PPEF2: variants seen among roughly 807,000 people sequenced by gnomAD.
The protein encoded by PPEF2 is serine/threonine-protein phosphatase with EF-hands 2.
A neutral mutation model predicts 84.7 loss-of-function variants in PPEF2; 84 were observed. The ratio of observed to expected loss-of-function variants is 0.99; its 90% CI spans 0.83 to 1.19. PPEF2 has a LOEUF of 1.19. Among genes scored for constraint, PPEF2 ranks in the 50% most tolerant of loss-of-function variants. PPEF2 has a pLI of 0.00. For synonymous variants in PPEF2, 346 were observed against 345.2 expected (o/e 1.00, Z -0.03); for missense variants, 924 against 937.5 (o/e 0.99, Z 0.19).
rs1019588586 is a variant in PPEF2, at chr4:75,896,365, G to C, written c.-40C>G. On this transcript the variant is annotated 5_prime_UTR_variant, in exon 2 of 17. Transcript: ENST00000286719. ...GCTCCTGCAGGACGCAGCAGATCCA[G>C]AGGACAGTGAGCTGTTTGCTGACAA... 1 of 1,600,496 alleles carries C rather than the reference G, an allele frequency of 6.2e-7. No individual in the cohort carries two copies. The highest frequency in any genetic ancestry group is 8.6e-7 in the Non-Finnish European group (1 of 1,167,638).
intron 10 of PPEF2, among the ~76,000 whole-genome samples, chr4:75,877,925 A>G (rs1183270427): frequency 2.0e-5 from 3 of 152,270 alleles, no homozygotes; most frequent in African/African-American, 7.2e-5. Flanking sequence ...ACTTTTTTAG[A>G]CAAGGATAGG....
chr4:75,873,073 T>C, intron 12 of PPEF2, 54 bp downstream of exon 12: 1 of 1,518,652 alleles, frequency 6.6e-7, no homozygotes, highest in African/African-American at 1.4e-5. Flanking sequence ...GCCTGAGCCC[T>C]TCGGACTACT....
At chr4:75,898,397 T>C (rs1158402850) in intron 1 of PPEF2, among the ~76,000 whole-genome samples, 1 of 152,240 alleles carries the variant, frequency 6.6e-6, no homozygotes, top group African/African-American at 2.4e-5. Context: ...GTGTTTCTGC[T>C]CTTACCTGGA....
At chr4:75,879,734 G>C (rs1724516733) in intron 10 of PPEF2, among the ~76,000 whole-genome samples, 1 of 152,106 alleles carries the variant, frequency 6.6e-6, no homozygotes, top group African/African-American at 2.4e-5. Flanking sequence ...TTCAAATTAA[G>C]TTGCTTTCTT....
At chr4:75,892,037 G>C in intron 2 of PPEF2, 59 bp from the exon 3 acceptor site, 3 of 1,591,392 alleles carry the variant, frequency 1.9e-6, no homozygotes, top group Non-Finnish European at 1.7e-6. Context: ...CAGGGGTTTG[G>C]GGGTAGGGAG....
chr4:75,862,492 T>C (rs535213143), intron 16 of PPEF2, among the ~76,000 whole-genome samples: 1 of 151,984 alleles, frequency 6.6e-6, no homozygotes, highest in East Asian at 1.9e-4. Flanking sequence ...GGACAAAGGA[T>C]TTGAATAGAC....
chr4:75,888,122 C>G lies in PPEF2; in HGVS notation c.532+92G>C, dbSNP rs998139442. Reference sequence around the variant, plus strand: ...TTAAATTTGGCTTATCATCACATCTCCCTGCAGCCCGCCACTCCTCTTGCA... The same window carrying G: ...TTAAATTTGGCTTATCATCACATCTGCCTGCAGCCCGCCACTCCTCTTGCA... On this transcript the variant is annotated intron_variant, in intron 6 of 16. Transcript: ENST00000286719. 5 of 989,080 alleles carry G rather than the reference C, an allele frequency of 5.1e-6. No individual in the cohort carries two copies. In the African/African-American group the frequency reaches 8.0e-5, roughly 16 times the overall value. The allele number at this position is 989,080 out of a possible 1,614,324, so 61.3% of individuals were successfully genotyped here. A position where few individuals can be genotyped will look rare whatever the true frequency, so the allele number is the denominator to read the frequency against.
At chr4:75,863,866 T>G (rs1724065489) in intron 16 of PPEF2, among the ~76,000 whole-genome samples, 1 of 151,670 alleles carries the variant, frequency 6.6e-6, no homozygotes, top group African/African-American at 2.4e-5. Flanking sequence ...ACATCTTTCT[T>G]TCTTTCTTCT....
intron 2 of PPEF2, among the ~76,000 whole-genome samples, chr4:75,894,331 G>A (rs1724959620): frequency 6.6e-6 from 1 of 152,124 alleles, no homozygotes; most frequent in African/African-American, 2.4e-5. Context: ...GCCAAAAGGT[G>A]CAATAAAAAC....
intron 7 of PPEF2, among the ~76,000 whole-genome samples, chr4:75,886,649 G>A (rs976987048): frequency 2.6e-5 from 4 of 152,110 alleles, no homozygotes; most frequent in Admixed American, 6.6e-5. Flanking sequence ...GAACCTGGGA[G>A]GCAGAGGTTG....
In PPEF2 at chr4:75,871,920, A is replaced by C. The variant is rs560991167; in HGVS notation, c.1649+105T>G. The C allele has an allele frequency of 1.0e-3, 1,304 of 1,284,780 alleles. 1 individual carries two copies. The highest frequency in any genetic ancestry group is 1.3e-3 in the Non-Finnish European group (1,259 of 940,386). The allele number at this position is 1,284,780 out of a possible 1,614,324, so 79.6% of individuals were successfully genotyped here. On this transcript the variant is annotated intron_variant, in intron 13 of 16. Transcript: ENST00000286719. ...TCATGCTGACATAGCCAAATTCTGA[A>C]TTCTCACGTAGAATTTGAATAAATA... is the stretch of plus-strand genomic sequence containing the variant.
rs539850355 is a variant in PPEF2 at position 75,885,910 on chromosome 4, G to A, written c.579+942C>T. On this transcript the variant is annotated intron_variant, in intron 7 of 16. Transcript: ENST00000286719. Reference sequence around the variant, plus strand: ...TGTAGTCCCAGCTACTTGGGAGGCCGAGGCAGGAGAATCACTTGAACCTGG... The same window carrying A: ...TGTAGTCCCAGCTACTTGGGAGGCCAAGGCAGGAGAATCACTTGAACCTGG... Among the ~76,000 whole-genome samples the A allele has an allele frequency of 5.3e-5, 8 of 152,160 alleles. No individual in the cohort carries two copies. The East Asian group carries it at 9.7e-4, about 18-fold the overall frequency.
At chr4:75,898,257 G>A (rs571289358) in intron 1 of PPEF2, among the ~76,000 whole-genome samples, 1 of 152,346 alleles carries the variant, frequency 6.6e-6, no homozygotes, top group South Asian at 2.1e-4. Context: ...ACATGTCACA[G>A]TGCTGCAGAG....
chr4:75,900,536 T>C (rs1011616571), intron 1 of PPEF2, among the ~76,000 whole-genome samples: 1 of 152,188 alleles, frequency 6.6e-6, no homozygotes, highest in Non-Finnish European at 1.5e-5. Flanking sequence ...CAAAGGCACA[T>C]GTGATCCCTG....
chr4:75,890,252 A>G, intron 4 of PPEF2, 120 bp from the exon 5 acceptor site: 1 of 1,087,580 alleles, frequency 9.2e-7, no homozygotes, highest in Non-Finnish European at 1.3e-6. Flanking sequence ...TTGCGGGGCC[A>G]AGGAGGGAGG....
At position 75,884,332 on chromosome 4, in the gene PPEF2, G is replaced by T. The variant is rs773483606; in HGVS notation, c.746+262C>A. 2.6e-5 allele frequency among the ~76,000 whole-genome samples: 4 copies of T among 151,716 alleles called. No individual in the cohort carries two copies. In the South Asian group the frequency reaches 6.2e-4, roughly 24 times the overall value. On this transcript the variant is annotated intron_variant, in intron 8 of 16. Coordinates refer to ENST00000286719, the MANE Select transcript of PPEF2 (RefSeq NM_006239.3). ...AATCCTGGCTACTCGGGAAGCTGAG[G>T]CAGGAGAATCACTTAAACCCAGGAA...
chr4:75,889,462 C>T (rs1724822046), intron 5 of PPEF2, among the ~76,000 whole-genome samples: 1 of 152,184 alleles, frequency 6.6e-6, no homozygotes, highest in Non-Finnish European at 1.5e-5. Flanking sequence ...CACCTTAGAT[C>T]TTTGCTCAGA....
At chr4:75,898,014 C>T (rs868415623) in intron 1 of PPEF2, among the ~76,000 whole-genome samples, 1 of 152,146 alleles carries the variant, frequency 6.6e-6, no homozygotes, top group African/African-American at 2.4e-5. Context: ...TGTATATATT[C>T]GATTAACTAA....
chr4:75,887,696 C>G (rs1397817202), intron 6 of PPEF2, among the ~76,000 whole-genome samples: 1 of 151,764 alleles, frequency 6.6e-6, no homozygotes, highest in Non-Finnish European at 1.5e-5. Flanking sequence ...GTGACCCTAG[C>G]AGGGCCAGTT....
Sources: gnomAD v4.1 joint callset for allele counts (sites outside exome capture counted in the v4.1 genomes callset) on GRCh38, gnomAD v4.1.1 for gene constraint, MANE v1.5 for transcripts, NCBI Gene and HGNC (gene_info 2026-07-23, HGNC 2026-07-21) for gene names.